The following JAKMIP3 variants were observed in gnomAD, a reference collection of about 807,000 sequenced individuals.
JAKMIP3 encodes Janus kinase and microtubule interacting protein 3.
JAKMIP3 carries 58 observed loss-of-function variants against 118.5 expected under a neutral mutation model. The ratio of observed to expected loss-of-function variants is 0.49; its 90% CI spans 0.40 to 0.61. The LOEUF is 0.61. Among genes scored for constraint, JAKMIP3 ranks in the 20% least tolerant of loss-of-function variants. JAKMIP3 has a pLI of 0.00. For synonymous variants in JAKMIP3, 486 were observed against 451.2 expected (o/e 1.08, Z -0.98); for missense variants, 950 against 1,109.0 (o/e 0.86, Z 2.04).
At chr10:132,104,511 G>A (rs1589820209) in intron 1 of JAKMIP3, among the ~76,000 whole-genome samples, 161 bp from the exon 2 acceptor site, 1 of 152,318 alleles carries the variant, frequency 6.6e-6, no homozygotes, top group Non-Finnish European at 1.5e-5. Context: ...GATGGGCTCT[G>A]AGGTCTGGGG....
chr10:132,082,395 C>T (rs1458272747), intron 1 of JAKMIP3, among the ~76,000 whole-genome samples: 2 of 151,992 alleles, frequency 1.3e-5, no homozygotes, highest in African/African-American at 2.4e-5. Context: ...ACCCTTTCCC[C>T]GAGTCCCCAA....
Position 132,039,905 on chromosome 10 carries a change from A to G in JAKMIP3, c.-138+3167A>G, listed in dbSNP as rs532448804. Reference sequence around the variant, plus strand: ...TCTCACTGCTCCCCAAGTCTTTGCCATGACACTAAGCACTTGGGTTCCTTC... The same window carrying G: ...TCTCACTGCTCCCCAAGTCTTTGCCGTGACACTAAGCACTTGGGTTCCTTC... On this transcript the variant is annotated intron_variant, in intron 1 of 23. Coordinates refer to the JAKMIP3 transcript ENST00000657785. Among the ~76,000 whole-genome samples, 44 of 152,378 alleles carry G rather than the reference A, an allele frequency of 2.9e-4. 1 individual carries two copies. Among genetic ancestry groups the G allele is most frequent in the African/African-American group, 1.0e-3 (43 of 41,594 alleles).
rs368099428 is a variant in JAKMIP3, at chr10:132,142,019, G to T, written c.1573G>T (p.Gly525Trp). The T allele has an allele frequency of 6.8e-6, 11 of 1,608,954 alleles. No individual in the cohort carries two copies. Among genetic ancestry groups the T allele is most frequent in the Non-Finnish European group, 9.3e-6 (11 of 1,178,048 alleles). The change falls in exon 11 of 24, where the codon GGG becomes TGG. Residue 525 changes from glycine (G) to tryptophan (W), a missense_variant. Gly to Trp is a radical substitution (Grantham distance 184, BLOSUM62 -2). Transcript: ENST00000684848. ...CGCTTTGTTGCAGGAGCAGGTTGGA[G>T]GGACGCTGGACGCAGAGCGAGAAGT... ...AYALLQEQVG[G>W]TLDAEREVKT...
At chr10:132,036,646 G>GCGGTGA (rs963081489), upstream of JAKMIP3, among the ~76,000 whole-genome samples, 17 of 150,898 alleles carry the variant, frequency 1.1e-4, no homozygotes, top group East Asian at 9.7e-4. Context: ...GCTCCTGCCC[G>GCGGTGA]CGGTGACGGT....
intron 23 of JAKMIP3, among the ~76,000 whole-genome samples, chr10:132,180,584 C>CGTGCGTGTGTGT (rs1485915300): frequency 0.041 from 400 of 9,860 alleles, 149 homozygotes; most frequent in African/African-American, 0.18. Context: ...TGTGTGCGTG[C>CGTGCGTGTGTGT]GCGTGTGTGT....
upstream of JAKMIP3, among the ~76,000 whole-genome samples, chr10:132,064,241 G>T (rs996667082): frequency 6.6e-6 from 1 of 152,188 alleles, no homozygotes; most frequent in South Asian, 2.1e-4. The surrounding 1 kb of genome is among the most constrained non-coding windows in gnomAD (Gnocchi z 4.4). Flanking sequence ...TTACAACAGC[G>T]CCTGGCACGG....
In JAKMIP3 at chr10:132,161,040, T is replaced by C. The variant is rs147991574; in HGVS notation, c.2221-2169T>C. On this transcript the variant is annotated intron_variant, in intron 19 of 23. Transcript: ENST00000684848. ...GTGATGCTGGGGGGGCCTCTTCCTG[T>C]GTGATGCTGGGGGCGTGTCTTTCTG... is the stretch of plus-strand genomic sequence containing the variant. Among the ~76,000 whole-genome samples the C allele has an allele frequency of 1.3e-3, 141 of 109,400 alleles. 1 individual carries two copies. Among genetic ancestry groups the C allele is most frequent in the East Asian group, 3.2e-3 (11 of 3,430 alleles). The allele number at this position is 109,400 out of a possible 152,430, so 71.8% of individuals were successfully genotyped here.
rs1178914398 is a variant in JAKMIP3, at chr10:132,104,739, C to A, written c.-70C>A. On this transcript the variant is annotated 5_prime_UTR_variant, in exon 2 of 24. Transcript: ENST00000684848. ...TGCTGGGAGCTTGGCGTGGACACCC[C>A]AGCCACCCCCAGCCCAGCCCAGCCG... The A allele has an allele frequency of 1.3e-6, 2 of 1,495,220 alleles. No homozygotes were observed. The highest frequency in any genetic ancestry group is 1.8e-6 in the Non-Finnish European group (2 of 1,103,940). 92.6% of individuals were successfully genotyped at this position (1,495,220 alleles called of 1,614,324 possible).
intron 21 of JAKMIP3, among the ~76,000 whole-genome samples, chr10:132,164,998 C>T (rs900631993): frequency 2.0e-5 from 3 of 152,200 alleles, no homozygotes; most frequent in South Asian, 4.1e-4. Flanking sequence ...CCCAGCCATG[C>T]GACCGCAGAG....
chr10:132,111,696 A>G (rs1010449860), intron 2 of JAKMIP3, among the ~76,000 whole-genome samples: 1 of 152,308 alleles, frequency 6.6e-6, no homozygotes, highest in Middle Eastern at 3.4e-3. Context: ...AGCTTGGGCC[A>G]TGCTCCAGGC....
intron 1 of JAKMIP3, among the ~76,000 whole-genome samples, chr10:132,103,819 C>T (rs757513611): frequency 5.3e-5 from 8 of 152,074 alleles, no homozygotes; most frequent in Non-Finnish European, 1.2e-4. Flanking sequence ...CCTTGAGGGA[C>T]ACAGAGCCAG....
chr10:132,091,292 G>A (rs918148161), intron 1 of JAKMIP3, among the ~76,000 whole-genome samples: 1 of 151,874 alleles, frequency 6.6e-6, no homozygotes, highest in Non-Finnish European at 1.5e-5. Flanking sequence ...ATGTCTATTA[G>A]GTCTGCTTGG....
chr10:132,089,706 C>G (rs1237449178), intron 1 of JAKMIP3, among the ~76,000 whole-genome samples: 1 of 152,182 alleles, frequency 6.6e-6, no homozygotes, highest in African/African-American at 2.4e-5. Context: ...TTATTTCTTT[C>G]TCCTGCCTGA....
At chr10:132,109,123 T>C (rs537582599) in intron 2 of JAKMIP3, among the ~76,000 whole-genome samples, 8 of 140,084 alleles carry the variant, frequency 5.7e-5, no homozygotes, top group Admixed American at 4.2e-4. Context: ...CATATATATA[T>C]ACACACACAC....
At chr10:132,136,120 C>A (rs754682757) in intron 6 of JAKMIP3, 44 bp downstream of exon 6, 1 of 1,599,766 alleles carries the variant, frequency 6.3e-7, no homozygotes, top group South Asian at 1.1e-5. Context: ...CGCACCCGAG[C>A]TCCAGGCAGC....
At chr10:132,088,999 T>C (rs1197681694) in intron 1 of JAKMIP3, among the ~76,000 whole-genome samples, 1 of 152,202 alleles carries the variant, frequency 6.6e-6, no homozygotes, top group Non-Finnish European at 1.5e-5. Flanking sequence ...GTCAGGTTTG[T>C]CAAAGATCAG....
chr10:132,141,797 G>T, intron 10 of JAKMIP3, 123 bp from the exon 11 acceptor site: 1 of 1,143,480 alleles, frequency 8.7e-7, no homozygotes. Flanking sequence ...TGCTGCTAGA[G>T]AGACCCCCCC....
intron 1 of JAKMIP3, among the ~76,000 whole-genome samples, chr10:132,103,044 T>C (rs1238722836): frequency 7.8e-6 from 1 of 128,638 alleles, no homozygotes; most frequent in Non-Finnish European, 1.7e-5. Flanking sequence ...GCAGGAGTTG[T>C]GGGGGTGGGG....
chr10:132,128,096 G>A lies in JAKMIP3; in HGVS notation c.634-5216G>A, dbSNP rs549428336. 2.6e-5 allele frequency among the ~76,000 whole-genome samples: 4 copies of A among 152,284 alleles called. No homozygotes were observed. The East Asian group carries it at 7.7e-4, about 29-fold the overall frequency. On this transcript the variant is annotated intron_variant, in intron 3 of 23. Coordinates refer to ENST00000684848, the MANE Select transcript of JAKMIP3 (RefSeq NM_001323087.2). Reference sequence around the variant, plus strand: ...TTCCCTTTAGAATTATTTGCATTGTGGGTGTATTAACAAAGGACGCTCTCT... The same window carrying A: ...TTCCCTTTAGAATTATTTGCATTGTAGGTGTATTAACAAAGGACGCTCTCT...
Sources: gnomAD v4.1 joint callset for allele counts (sites outside exome capture counted in the v4.1 genomes callset) on GRCh38, gnomAD v4.1.1 for gene constraint, Gnocchi (gnomAD v3.1) non-coding constraint, MANE v1.5 for transcripts, NCBI Gene and HGNC (gene_info 2026-07-23, HGNC 2026-07-21) for gene names.